The following ZBTB16 variants were observed in gnomAD, a reference collection of about 807,000 sequenced individuals.
ZBTB16 encodes zinc finger and BTB domain-containing protein 16.
ZBTB16 carries 8 observed loss-of-function variants against 56.8 expected under a neutral mutation model. That is an observed-to-expected ratio of 0.14 (90% CI 0.08 to 0.25). The LOEUF (loss-of-function observed/expected upper bound fraction) is 0.25. Ranked by LOEUF, ZBTB16 falls within the 10% of genes least tolerant of loss-of-function variation. ZBTB16 has a pLI of 1.00. For missense variants in ZBTB16, 625 were observed against 903.0 expected (o/e 0.69, Z 3.95); for synonymous variants, 363 against 368.5 (o/e 0.98, Z 0.17).
intron 3 of ZBTB16, among the ~76,000 whole-genome samples, chr11:114,159,938 G>GGCGGGC (rs1491306282): frequency 1.5e-5 from 1 of 65,710 alleles, no homozygotes; most frequent in African/African-American, 1.3e-4. Context: ...CGGGGGAGGC[G>GGCGGGC]GGGGGGAGGC....
intron 3 of ZBTB16, among the ~76,000 whole-genome samples, chr11:114,157,718 C>T (rs191372108): frequency 1.5e-4 from 23 of 152,326 alleles, no homozygotes; most frequent in Admixed American, 5.2e-4. Context: ...GTCTCTCCCC[C>T]GGCCCTCATG....
chr11:114,224,003 G>A (rs1232117469), intron 4 of ZBTB16, among the ~76,000 whole-genome samples: 2 of 152,196 alleles, frequency 1.3e-5, no homozygotes, highest in Non-Finnish European at 2.9e-5. Flanking sequence ...GCATTAAATG[G>A]TGAAAGGCCC....
chr11:114,200,493 A>G (rs555814466), intron 4 of ZBTB16, among the ~76,000 whole-genome samples: 1 of 152,292 alleles, frequency 6.6e-6, no homozygotes, highest in South Asian at 2.1e-4. Context: ...AGTCATCAGG[A>G]CACCACTAAG....
intron 2 of ZBTB16, among the ~76,000 whole-genome samples, chr11:114,096,561 A>G (rs1384615752): frequency 6.6e-6 from 1 of 151,902 alleles, no homozygotes; most frequent in Admixed American, 6.5e-5. Flanking sequence ...TGTTTTTTTA[A>G]ACATCGTTGT....
chr11:114,228,649 G>A (rs1591798417), intron 4 of ZBTB16, among the ~76,000 whole-genome samples: 5 of 152,300 alleles, frequency 3.3e-5, no homozygotes, highest in South Asian at 2.1e-4. Flanking sequence ...GTAGGATGTC[G>A]TGAGTGAAGC....
chr11:114,152,583 A>G (rs1942303978), intron 2 of ZBTB16, among the ~76,000 whole-genome samples: 1 of 152,240 alleles, frequency 6.6e-6, no homozygotes, highest in African/African-American at 2.4e-5. Context: ...GTTGGGGAGA[A>G]CTTGAGTCTG....
chr11:114,170,454 GA>G (rs1207928447), intron 3 of ZBTB16, among the ~76,000 whole-genome samples: 4 of 152,220 alleles, frequency 2.6e-5, no homozygotes, highest in Non-Finnish European at 5.9e-5. Flanking sequence ...CAGTGGGAGA[GA>G]GGGGCGGATA....
intron 2 of ZBTB16, among the ~76,000 whole-genome samples, chr11:114,091,461 T>G (rs1260545627): frequency 6.6e-6 from 1 of 152,102 alleles, no homozygotes; most frequent in East Asian, 1.9e-4. Flanking sequence ...TTTCTATAAA[T>G]GCTGGTGCTC....
chr11:114,245,678 C>A (rs896123208), intron 5 of ZBTB16, among the ~76,000 whole-genome samples: 3 of 152,106 alleles, frequency 2.0e-5, no homozygotes, highest in African/African-American at 7.2e-5. Context: ...TGCCCAGGCA[C>A]GAGCGCAGTT....
chr11:114,074,633 A>G (rs1290799147), intron 2 of ZBTB16, among the ~76,000 whole-genome samples: 2 of 152,256 alleles, frequency 1.3e-5, no homozygotes, highest in African/African-American at 4.8e-5. Context: ...AGCACCTGGC[A>G]TCATAACCCA....
rs1944929539 is a variant in ZBTB16, at chr11:114,252,194, A to G, written c.*1639A>G. Among the ~76,000 whole-genome samples, 1 of 152,084 alleles carries G rather than the reference A, an allele frequency of 6.6e-6. No individual in the cohort carries two copies. The highest frequency in any genetic ancestry group is 2.4e-5 in the African/African-American group (1 of 41,410). On this transcript the variant is annotated 3_prime_UTR_variant, in exon 7 of 7. Transcript: ENST00000335953. ...GAGTCACTTTTGGCTCCGCTGGTGC[A>G]TGAAGTCACCTGTGGCCACCATCCG...
At chr11:114,192,277 T>A (rs897560250) in intron 4 of ZBTB16, among the ~76,000 whole-genome samples, 7 of 152,220 alleles carry the variant, frequency 4.6e-5, no homozygotes, top group African/African-American at 1.7e-4. Flanking sequence ...GCCAGCCCTC[T>A]TAAAAGCTAG....
At chr11:114,125,931 A>G (rs1313427622) in intron 2 of ZBTB16, among the ~76,000 whole-genome samples, 1 of 152,192 alleles carries the variant, frequency 6.6e-6, no homozygotes. Context: ...AGAGGTGAAA[A>G]TATCACTGCC....
chr11:114,076,858 C>A (rs539773143), intron 2 of ZBTB16, among the ~76,000 whole-genome samples: 2 of 152,094 alleles, frequency 1.3e-5, no homozygotes, highest in East Asian at 1.9e-4. Context: ...GCCTTTCCCC[C>A]CTTCATAATT....
Position 114,250,650 on chromosome 11 carries a change from A to G in ZBTB16, c.*95A>G. On this transcript the variant is annotated 3_prime_UTR_variant, in exon 7 of 7. Coordinates refer to ENST00000335953, the MANE Select transcript of ZBTB16 (RefSeq NM_006006.6). This position sits in a 1 kb window ranked among gnomAD's most constrained non-coding sequence, Gnocchi z 6.0. ...ACTATGACAAATAAAAAAGGAAAAGAAAAAAAAAAACAGAAGGAAAAGGAA... is the reference window on the plus strand; with the variant it reads ...ACTATGACAAATAAAAAAGGAAAAGGAAAAAAAAAACAGAAGGAAAAGGAA... 2.8e-6 allele frequency: 3 copies of G among 1,076,388 alleles called. No individual in the cohort carries two copies. Among genetic ancestry groups the G allele is most frequent in the Admixed American group, 2.6e-5 (1 of 38,018 alleles). 66.7% of individuals were successfully genotyped at this position (1,076,388 alleles called of 1,614,324 possible).
intron 2 of ZBTB16, among the ~76,000 whole-genome samples, chr11:114,131,501 A>G (rs1445453763): frequency 6.6e-6 from 1 of 152,194 alleles, no homozygotes; most frequent in Non-Finnish European, 1.5e-5. Context: ...CCACAGAACA[A>G]ATAGGGAAGC....
intron 2 of ZBTB16, among the ~76,000 whole-genome samples, chr11:114,120,593 C>T (rs1941314655): frequency 6.6e-6 from 1 of 152,210 alleles, no homozygotes; most frequent in South Asian, 2.1e-4. Context: ...TTCTTCAACT[C>T]TTCTTCCCCT....
chr11:114,127,696 G>T (rs1941547274), intron 2 of ZBTB16, among the ~76,000 whole-genome samples: 1 of 152,180 alleles, frequency 6.6e-6, no homozygotes, highest in South Asian at 2.1e-4. Context: ...TTATTTAGGG[G>T]CTGGGGAGTC....
intron 2 of ZBTB16, among the ~76,000 whole-genome samples, chr11:114,147,155 A>T (rs1234613216): frequency 6.6e-6 from 1 of 152,226 alleles, no homozygotes; most frequent in Non-Finnish European, 1.5e-5. Context: ...TACATTAAAA[A>T]GGTTTTCAGA....
Sources: allele counts gnomAD v4.1 joint callset (sites outside exome capture counted in the v4.1 genomes callset), GRCh38; gene constraint gnomAD v4.1.1; non-coding constraint Gnocchi (gnomAD v3.1); transcripts MANE v1.5; gene names NCBI Gene and HGNC (gene_info 2026-07-23, HGNC 2026-07-21).